The following FBXO24 variants were observed in gnomAD, a reference collection of about 807,000 sequenced individuals.
The protein encoded by FBXO24 is F-box protein 24, also known as F-box only protein 24.
In FBXO24, 30 loss-of-function variants were observed where a neutral mutation model predicts 63.5. The observed-to-expected ratio is 0.47, with a 90% confidence interval of 0.35 to 0.64. The LOEUF (loss-of-function observed/expected upper bound fraction) is 0.64. Ranked by LOEUF, FBXO24 falls within the 30% of genes least tolerant of loss-of-function variation. The pLI, the probability that FBXO24 is intolerant of heterozygous loss-of-function variation, is 0.00. For missense variants in FBXO24, 624 were observed against 763.4 expected, an observed-to-expected ratio of 0.82 and a Z score of 2.15; for synonymous variants, 300 against 305.0, an observed-to-expected ratio of 0.98 and a Z score of 0.17.
intron 1 of FBXO24, among the ~76,000 whole-genome samples, chr7:100,588,997 GT>G (rs543109579): frequency 0.031 from 4,434 of 143,038 alleles, 222 homozygotes; most frequent in African/African-American, 0.1. Context: ...TAATTTTTAA[GT>G]TTTTTTTTTT....
Position 100,591,847 on chromosome 7 carries a change from A to T in FBXO24, c.503A>T (p.Gln168Leu). Reference sequence around the variant, plus strand: ...AATGCCCTGGTCTCCACCCTCGGCCAGATGCAGTGGAAGCGGGCCTGTCGC... The same window carrying T: ...AATGCCCTGGTCTCCACCCTCGGCCTGATGCAGTGGAAGCGGGCCTGTCGC... ...LKNALVSTLG[Q>L]MQWKRACRYV... The change falls in exon 4 of 10, where the codon CAG (glutamine) becomes CTG (leucine). Residue 168 changes from glutamine to leucine, a missense_variant. This residue lies in a region of FBXO24 where 391 missense variants were observed against 469.1 expected (regional missense o/e 0.83). Coordinates refer to ENST00000241071, the MANE Select transcript of FBXO24 (RefSeq NM_033506.3). 2 of 1,614,208 alleles carry T rather than the reference A, an allele frequency of 1.2e-6. No individual in the cohort carries two copies. The highest frequency in any genetic ancestry group is 1.7e-6 in the Non-Finnish European group (2 of 1,180,026).
chr7:100,598,230 A>G (rs879700933), intron 8 of FBXO24, among the ~76,000 whole-genome samples: 5 of 152,164 alleles, frequency 3.3e-5, no homozygotes, highest in Non-Finnish European at 7.3e-5. Flanking sequence ...ATTTATGTGT[A>G]TTTGTTTGTT....
In FBXO24 at chr7:100,594,007, G is replaced by A. The variant is rs1225001138; in HGVS notation, c.794-376G>A. Among the ~76,000 whole-genome samples, 2 of 151,840 alleles carry A rather than the reference G, an allele frequency of 1.3e-5. No individual in the cohort carries two copies. The highest frequency in any genetic ancestry group is 6.6e-5 in the Admixed American group (1 of 15,232). On this transcript the variant is annotated intron_variant, in intron 5 of 9. Coordinates refer to ENST00000241071, the MANE Select transcript of FBXO24 (RefSeq NM_033506.3). This position sits in a 1 kb window ranked among gnomAD's most constrained non-coding sequence, Gnocchi z 4.2. ...TTGCTATGTTGCCCAGGCTGGTCTC[G>A]AACTCCCTGCCTCAAGTGATCCTCC...
In FBXO24 at chr7:100,586,633, A is replaced by G. The variant is rs114826857; in HGVS notation, c.8A>G (p.Glu3Gly). 1 of 1,614,202 alleles carries G rather than the reference A, an allele frequency of 6.2e-7. No individual in the cohort carries two copies. Among genetic ancestry groups the G allele is most frequent in the East Asian group, 2.2e-5 (1 of 44,884 alleles). ...GCTCTACCTACCAATAGCATGGGCG[A>G]GAAGGCGGTCCCTTTGCTAAGGAGG... Reference protein sequence around the residue: MGEKAVPLLRRRR... With the variant: MGGKAVPLLRRRR... The change falls in exon 1 of 10, where the codon GAG (glutamate) becomes GGG (glycine). Residue 3 changes from glutamate to glycine, a missense_variant. By Grantham distance (98) the Glu-to-Gly change is moderately conservative. This residue lies in a region of FBXO24 where 391 missense variants were observed against 469.1 expected (regional missense o/e 0.83). Coordinates refer to ENST00000241071, the MANE Select transcript of FBXO24 (RefSeq NM_033506.3).
At chr7:100,588,691 G>A (rs1025500581) in intron 1 of FBXO24, among the ~76,000 whole-genome samples, 2 of 152,126 alleles carry the variant, frequency 1.3e-5, no homozygotes, top group African/African-American at 2.4e-5. Context: ...CCCCACATAA[G>A]ACAAAGCTAA....
chr7:100,594,603 A>C lies in FBXO24; in HGVS notation c.952+62A>C. 7.0e-7 allele frequency: 1 copy of C among 1,420,394 alleles called. No homozygotes were observed. Among genetic ancestry groups the C allele is most frequent in the East Asian group, 2.6e-5 (1 of 38,260 alleles). 88.0% of individuals were successfully genotyped at this position (1,420,394 alleles called of 1,614,324 possible). On this transcript the variant is annotated intron_variant, in intron 6 of 9. Transcript: ENST00000241071. The surrounding 1 kb of genome is among the most constrained non-coding windows in gnomAD (Gnocchi z 4.2). ...TTGGTTAGACCCTCTAAACATCAACACCCTTCACCCTTACTCCAGCTGCAT... is the reference window on the plus strand; with the variant it reads ...TTGGTTAGACCCTCTAAACATCAACCCCCTTCACCCTTACTCCAGCTGCAT...
intron 4 of FBXO24, 36 bp downstream of exon 4, chr7:100,591,938 T>C (rs776178161): frequency 6.3e-7 from 1 of 1,599,376 alleles, no homozygotes; most frequent in South Asian, 1.1e-5. Context: ...AGAGCCCACC[T>C]GTATTAGTCC....
At position 100,592,928 on chromosome 7, in the gene FBXO24, T is replaced by G. The variant is rs1584425505; in HGVS notation, c.704T>G (p.Val235Gly). ...EVYLQSSGQRVFKMTFHHSMT... is the reference protein window; with the variant it reads ...EVYLQSSGQRGFKMTFHHSMT... ...TATCTGCAGTCTAGTGGGCAGCGGG[T>G]CTTCAAGATGACATTCCACCACTCA... is the stretch of plus-strand genomic sequence containing the variant. Residue 235 changes from valine to glycine, a missense_variant, in exon 5 of 10, where the codon GTC becomes GGC. Physicochemically the swap from Val to Gly is moderately radical, Grantham distance 109. This residue lies in a region of FBXO24 where 391 missense variants were observed against 469.1 expected (regional missense o/e 0.83). Coordinates refer to ENST00000241071, the MANE Select transcript of FBXO24 (RefSeq NM_033506.3). The G allele has an allele frequency of 6.2e-7, 1 of 1,614,036 alleles. No homozygotes were observed. The highest frequency in any genetic ancestry group is 8.5e-7 in the Non-Finnish European group (1 of 1,180,010).
intron 1 of FBXO24, 188 bp downstream of exon 1, chr7:100,586,852 G>C (rs941845802): frequency 8.4e-6 from 5 of 594,934 alleles, no homozygotes; most frequent in Middle Eastern, 4.5e-4. Context: ...AGCTGAAGGG[G>C]CAGCGGGGGG....
intron 8 of FBXO24, among the ~76,000 whole-genome samples, chr7:100,597,884 G>GTT (rs1393606783): frequency 2.6e-4 from 35 of 136,322 alleles, no homozygotes; most frequent in African/African-American, 8.1e-4. Context: ...TGTTTTTTTT[G>GTT]TTTTTTTTGT....
intron 1 of FBXO24, 193 bp from the exon 2 acceptor site, chr7:100,589,784 G>T (rs750815359): frequency 1.3e-6 from 2 of 1,530,834 alleles, no homozygotes; most frequent in Admixed American, 2.1e-5. Flanking sequence ...GACGGGAGGA[G>T]GGGCTCCGGG....
rs1484693053 is a variant in FBXO24 at position 100,586,682 on chromosome 7, G to A, written c.39+18G>A. ...GGAGGCGGGTGAGCTAGAACTTTAA[G>A]ACTGAGGTTAAGAATGAACGCGGAG... is the stretch of plus-strand genomic sequence containing the variant. On this transcript the variant is annotated intron_variant, in intron 1 of 9. Coordinates refer to ENST00000241071, the MANE Select transcript of FBXO24 (RefSeq NM_033506.3). 6.2e-7 allele frequency: 1 copy of A among 1,614,012 alleles called. No homozygotes were observed. The highest frequency in any genetic ancestry group is 1.3e-5 in the African/African-American group (1 of 74,950).
In FBXO24 at chr7:100,592,781, A is replaced by G. The variant is rs748004423; in HGVS notation, c.559-2A>G. 1.9e-6 allele frequency: 3 copies of G among 1,612,584 alleles called. No homozygotes were observed. Among genetic ancestry groups the G allele is most frequent in the Non-Finnish European group, 8.5e-7 (1 of 1,179,158 alleles). ...CCCAGACGCCCTCATCTTTTCCCCC[A>G]GTTTGCCTCGGACCCAAGGTGTGAC... On this transcript the variant is annotated splice_acceptor_variant, in intron 4 of 9. Coordinates refer to ENST00000241071, the MANE Select transcript of FBXO24 (RefSeq NM_033506.3). LOFTEE classifies it high-confidence loss of function.
chr7:100,596,604 G>T (rs541113052), intron 8 of FBXO24, among the ~76,000 whole-genome samples: 8 of 152,110 alleles, frequency 5.3e-5, no homozygotes. Context: ...AGGGGAGCCC[G>T]CCAGGAGGCT....
chr7:100,586,530 G>C lies in FBXO24; in HGVS notation c.-96G>C. 6.8e-6 allele frequency: 9 copies of C among 1,314,418 alleles called. No individual in the cohort carries two copies. Among genetic ancestry groups the C allele is most frequent in the Non-Finnish European group, 9.9e-6 (9 of 912,708 alleles). The allele number at this position is 1,314,418 out of a possible 1,614,324, so 81.4% of individuals were successfully genotyped here. ...TCCCCCAAAGACCAATCGTAAGCCA[G>C]ATACAGGCGAGTGACTGTCAAGAAG... On this transcript the variant is annotated 5_prime_UTR_variant, in exon 1 of 10. Coordinates refer to ENST00000241071, the MANE Select transcript of FBXO24 (RefSeq NM_033506.3).
rs1331259624 is a variant in FBXO24, at chr7:100,594,013, C to T, written c.794-370C>T. Among the ~76,000 whole-genome samples, 1 of 152,018 alleles carries T rather than the reference C, an allele frequency of 6.6e-6. No homozygotes were observed. Among genetic ancestry groups the T allele is most frequent in the South Asian group, 2.1e-4 (1 of 4,818 alleles). ...TGTTGCCCAGGCTGGTCTCGAACTC[C>T]CTGCCTCAAGTGATCCTCCTGCCTT... On this transcript the variant is annotated intron_variant, in intron 5 of 9. Transcript: ENST00000241071. This position sits in a 1 kb window ranked among gnomAD's most constrained non-coding sequence, Gnocchi z 4.2.
chr7:100,587,080 G>C (rs966760610), intron 1 of FBXO24, among the ~76,000 whole-genome samples: 2 of 152,200 alleles, frequency 1.3e-5, no homozygotes. Flanking sequence ...TCACCGCCTA[G>C]AACACGCCCT....
Position 100,590,330 on chromosome 7 carries a change from C to T in FBXO24, c.295C>T (p.Pro99Ser), listed in dbSNP as rs1280524057. ...RLQDQGSGVR[P>S]WKRAAILNYT... Reference sequence around the variant, plus strand: ...CCAAGATCAGGGTTCTGGAGTCCGGCCCTGGAAGAGAGCTGCCATTCTGAA... The same window carrying T: ...CCAAGATCAGGGTTCTGGAGTCCGGTCCTGGAAGAGAGCTGCCATTCTGAA... The change falls in exon 3 of 10, where the codon CCC (proline) becomes TCC (serine). Residue 99 changes from proline to serine, a missense_variant. Physicochemically the swap from Pro to Ser is moderately conservative, Grantham distance 74. This residue lies in a region of FBXO24 where 391 missense variants were observed against 469.1 expected (regional missense o/e 0.83). Transcript: ENST00000241071. 6.2e-7 allele frequency: 1 copy of T among 1,613,576 alleles called. No homozygotes were observed. Among genetic ancestry groups the T allele is most frequent in the Non-Finnish European group, 8.5e-7 (1 of 1,179,792 alleles).
Position 100,590,242 on chromosome 7 carries a change from C to A in FBXO24, c.207C>A (p.Phe69Leu). Residue 69 changes from phenylalanine (F) to leucine (L), a missense_variant, in exon 3 of 10, where the codon TTC becomes TTA. Physicochemically the swap from Phe to Leu is conservative, Grantham distance 22. Around this residue, in one of 3 missense-constraint regions of FBXO24, gnomAD observed 391 missense variants for 469.1 expected, o/e 0.83. Transcript: ENST00000241071. ...LVALGQTCRYFHEVCDGEGVW... is the reference protein window; with the variant it reads ...LVALGQTCRYLHEVCDGEGVW... ...CCCTCGGCCAGACCTGCCGCTACTTCCACGAAGTGTGCGATGGGGAAGGCG... is the reference window on the plus strand; with the variant it reads ...CCCTCGGCCAGACCTGCCGCTACTTACACGAAGTGTGCGATGGGGAAGGCG... 1 of 1,614,188 alleles carries A rather than the reference C, an allele frequency of 6.2e-7. No homozygotes were observed.
Sources: gnomAD v4.1 joint callset for allele counts (sites outside exome capture counted in the v4.1 genomes callset) on GRCh38, gnomAD v4.1.1 for gene constraint, gnomAD v4.1.1 regional missense constraint, Gnocchi (gnomAD v3.1) non-coding constraint, MANE v1.5 for transcripts, NCBI Gene and HGNC (gene_info 2026-07-23, HGNC 2026-07-21) for gene names.